ANGEL1: variants seen among roughly 807,000 people sequenced by gnomAD.
ANGEL1 encodes the protein angel homolog 1.
In ANGEL1, 62 loss-of-function variants were observed where a neutral mutation model predicts 76.4. The ratio of observed to expected loss-of-function variants is 0.81; its 90% confidence interval spans 0.66 to 1.00. The LOEUF is 1.00. Among genes scored for constraint, ANGEL1 ranks in the 50% least tolerant of loss-of-function variants. ANGEL1 has a pLI of 0.00. For synonymous variants in ANGEL1, 340 were observed against 331.7 expected (o/e 1.03, Z -0.27); for missense variants, 737 against 836.7 (o/e 0.88, Z 1.47).
At chr14:76,812,614 AG>A in intron 1 of ANGEL1, 149 bp downstream of exon 1, 1 of 1,305,660 alleles carries the variant, frequency 7.7e-7, no homozygotes, top group Non-Finnish European at 9.7e-7. Flanking sequence ...CCCGCGGGGC[AG>A]GGGCTCAGGA....
At chr14:76,803,717 T>C (rs1401730498) in intron 6 of ANGEL1, 69 bp downstream of exon 6, 5 of 1,541,930 alleles carry the variant, frequency 3.2e-6, no homozygotes, top group African/African-American at 1.4e-5. Flanking sequence ...TTTCTTGTCG[T>C]TGAGACACCA....
intron 7 of ANGEL1, among the ~76,000 whole-genome samples, chr14:76,797,507 G>A (rs1054397394): frequency 1.3e-5 from 2 of 152,180 alleles, no homozygotes; most frequent in African/African-American, 2.4e-5. Flanking sequence ...GGCTGAGGCA[G>A]GAGAATCACT....
At chr14:76,791,502 A>G in intron 7 of ANGEL1, 136 bp from the exon 8 acceptor site, 1 of 746,460 alleles carries the variant, frequency 1.3e-6, no homozygotes, top group East Asian at 2.9e-5. Context: ...AGGGAGAAAC[A>G]GTGAGGAGGA....
intron 7 of ANGEL1, among the ~76,000 whole-genome samples, chr14:76,802,392 C>T (rs759428457): frequency 6.6e-5 from 10 of 152,116 alleles, no homozygotes; most frequent in Non-Finnish European, 1.3e-4. Context: ...GGTTTTTCTG[C>T]ACCAGCTATT....
chr14:76,796,618 A>T (rs1242457297), intron 7 of ANGEL1, among the ~76,000 whole-genome samples: 1 of 152,032 alleles, frequency 6.6e-6, no homozygotes, highest in Non-Finnish European at 1.5e-5. Flanking sequence ...TCAATTCCTA[A>T]GAATTTCCTA....
chr14:76,804,229 G>C, intron 5 of ANGEL1: 1 of 1,392,032 alleles, frequency 7.2e-7, no homozygotes, highest in Non-Finnish European at 9.3e-7. Context: ...CCTCCACAGG[G>C]AATATCAACT....
rs1894274735 is a variant in ANGEL1 at position 76,786,909 on chromosome 14, A to G, written c.*2319T>C. The G allele has an allele frequency of 6.6e-6, 1 of 152,312 alleles. No homozygotes were observed. The highest frequency in any genetic ancestry group is 2.4e-5 in the African/African-American group (1 of 41,466). 9.4% of individuals were successfully genotyped at this position (152,312 alleles called of 1,614,324 possible). A position where few individuals can be genotyped will look rare whatever the true frequency, so the allele number is the denominator to read the frequency against. ...CAGACCCTCCTGAAGTGCAGAAGATACTAGGAGGAGGCATGGGGGGAGCAG... is the reference window on the plus strand; with the variant it reads ...CAGACCCTCCTGAAGTGCAGAAGATGCTAGGAGGAGGCATGGGGGGAGCAG... On this transcript the variant is annotated 3_prime_UTR_variant, in exon 10 of 10. Coordinates refer to ENST00000251089, the MANE Select transcript of ANGEL1 (RefSeq NM_015305.4).
intron 9 of ANGEL1, 117 bp from the exon 10 acceptor site, chr14:76,789,505 C>CT: frequency 8.9e-7 from 1 of 1,127,650 alleles, no homozygotes; most frequent in Non-Finnish European, 1.3e-6. Context: ...TGGCTGCCCA[C>CT]TGCCCCTCAC....
At chr14:76,807,530 C>T (rs763005818) in intron 3 of ANGEL1, 28 bp from the exon 4 acceptor site, 15 of 1,608,400 alleles carry the variant, frequency 9.3e-6, no homozygotes, top group Non-Finnish European at 8.5e-6. Flanking sequence ...AACCCAATCA[C>T]TCCAGAGTGC....
chr14:76,812,750 C>G lies in ANGEL1; in HGVS notation c.64+14G>C. ...CTGGCCGGGCTCCTGTCTGTCGGTA[C>G]GCCTGGCCGGTACCTGAGAGGGCGC... On this transcript the variant is annotated intron_variant, in intron 1 of 9. Transcript: ENST00000251089. 4.6e-6 allele frequency: 7 copies of G among 1,513,734 alleles called. No individual in the cohort carries two copies. The South Asian group carries it at 7.4e-5, about 16-fold the overall frequency. 93.8% of individuals were successfully genotyped at this position (1,513,734 alleles called of 1,614,324 possible). A position where few individuals can be genotyped will look rare whatever the true frequency, so the allele number is the denominator to read the frequency against.
rs1894279899 is a variant in ANGEL1, at chr14:76,787,145, A to C, written c.*2083T>G. On this transcript the variant is annotated 3_prime_UTR_variant, in exon 10 of 10. Coordinates refer to ENST00000251089, the MANE Select transcript of ANGEL1 (RefSeq NM_015305.4). ...ATTCATGTCTTGAGACCCCACCCCA[A>C]GATCAAAAGCTCCTTAGTCTCTTCC... The C allele has an allele frequency of 6.6e-6, 1 of 152,206 alleles. No homozygotes were observed. Among genetic ancestry groups the C allele is most frequent in the Non-Finnish European group, 1.5e-5 (1 of 68,060 alleles). 9.4% of individuals were successfully genotyped at this position (152,206 alleles called of 1,614,324 possible).
chr14:76,809,533 C>T lies in ANGEL1; in HGVS notation c.175G>A (p.Gly59Ser). 6.2e-7 allele frequency: 1 copy of T among 1,614,214 alleles called. No individual in the cohort carries two copies. The highest frequency in any genetic ancestry group is 8.5e-7 in the Non-Finnish European group (1 of 1,180,036). ...PRGPEQEECE[G>S]LLQQWREEGL... ...TCTTCTCGCCACTGCTGCAGCAGGCCCTCACATTCCTCCTGCTCAGGGCCC... is the reference window on the plus strand; with the variant it reads ...TCTTCTCGCCACTGCTGCAGCAGGCTCTCACATTCCTCCTGCTCAGGGCCC... The change falls in exon 2 of 10, where the codon GGC becomes AGC. Residue 59 changes from glycine (G) to serine (S), a missense_variant. By Grantham distance (56) the Gly-to-Ser change is moderately conservative (BLOSUM62 0). Transcript: ENST00000251089.
At chr14:76,808,239 G>A in intron 2 of ANGEL1, 91 bp from the exon 3 acceptor site, 1 of 1,121,402 alleles carries the variant, frequency 8.9e-7, no homozygotes, top group Non-Finnish European at 1.3e-6. Context: ...TATTATGCCT[G>A]AAGTTCCTTT....
intron 2 of ANGEL1, 134 bp from the exon 3 acceptor site, chr14:76,808,282 G>T: frequency 1.4e-6 from 1 of 726,814 alleles, no homozygotes; most frequent in Non-Finnish European, 2.3e-6. Context: ...CCCTCTCTGT[G>T]GGGAATTGAT....
In ANGEL1 at chr14:76,806,472, G is replaced by C; in HGVS notation, c.1324C>G (p.Leu442Val). ...GDLNSVPDSP[L>V]YNFIRDGELQ... Reference sequence around the variant, plus strand: ...TCTCCATCCCTGATGAAGTTGTAGAGAGGTGAATCAGGGACAGAATTTAGG... The same window carrying C: ...TCTCCATCCCTGATGAAGTTGTAGACAGGTGAATCAGGGACAGAATTTAGG... Residue 442 changes from leucine (L) to valine (V), a missense_variant, in exon 5 of 10, where the codon CTC (leucine) becomes GTC (valine). Physicochemically the swap from Leu to Val is conservative, Grantham distance 32. Around this residue, in one of 2 missense-constraint regions of ANGEL1, gnomAD observed 296 missense variants for 387.2 expected, o/e 0.76. Coordinates refer to ENST00000251089, the MANE Select transcript of ANGEL1 (RefSeq NM_015305.4). 1 of 1,614,180 alleles carries C rather than the reference G, an allele frequency of 6.2e-7. No individual in the cohort carries two copies. The highest frequency in any genetic ancestry group is 8.5e-7 in the Non-Finnish European group (1 of 1,180,040).
At chr14:76,810,094 A>G (rs1895038866) in intron 1 of ANGEL1, 1 of 425,272 alleles carries the variant, frequency 2.4e-6, no homozygotes, top group Admixed American at 2.6e-5. Flanking sequence ...CTGACCTTGA[A>G]CAATGCCCCT....
At chr14:76,807,898 T>G in intron 3 of ANGEL1, 24 bp downstream of exon 3, 3 of 1,609,492 alleles carry the variant, frequency 1.9e-6, no homozygotes, top group Non-Finnish European at 2.5e-6. Flanking sequence ...CAATGCAAGA[T>G]GGCAATTCCC....
At position 76,806,516 on chromosome 14, in the gene ANGEL1, G is replaced by C; in HGVS notation, c.1280C>G (p.Pro427Arg). The change falls in exon 5 of 10, where the codon CCC (proline) becomes CGC (arginine). Residue 427 changes from proline to arginine, a missense_variant. This residue lies in a region of ANGEL1 where 296 missense variants were observed against 387.2 expected (regional missense o/e 0.76). Transcript: ENST00000251089. ...ATTTAGGTCCCCGCACAAGATGATG[G>C]GGCAGTGGCTGCCATCTGACAGTCT... ...VARLSDGSHC[P>R]IILCGDLNSV... The C allele has an allele frequency of 6.2e-7, 1 of 1,614,170 alleles. No homozygotes were observed. The highest frequency in any genetic ancestry group is 8.5e-7 in the Non-Finnish European group (1 of 1,180,030).
intron 9 of ANGEL1, among the ~76,000 whole-genome samples, 179 bp from the exon 10 acceptor site, chr14:76,789,567 A>G (rs1894337155): frequency 6.6e-6 from 1 of 152,182 alleles, no homozygotes; most frequent in African/African-American, 2.4e-5. Context: ...GAGATACTCC[A>G]TAATATCATC....
Sources: allele counts gnomAD v4.1 joint callset (sites outside exome capture counted in the v4.1 genomes callset), GRCh38; gene constraint gnomAD v4.1.1; regional missense constraint gnomAD v4.1.1; transcripts MANE v1.5; gene names NCBI Gene and HGNC (gene_info 2026-07-23, HGNC 2026-07-21).